ZBTB38: variants seen among roughly 807,000 people sequenced by gnomAD.
The protein encoded by ZBTB38 is zinc finger and BTB domain-containing protein 38.
ZBTB38 carries 20 observed loss-of-function variants against 76.8 expected under a neutral mutation model. The observed-to-expected ratio is 0.26, with a 90% CI of 0.18 to 0.38. The LOEUF (loss-of-function observed/expected upper bound fraction) is 0.38. Ranked by LOEUF, ZBTB38 falls within the 10% of genes least tolerant of loss-of-function variation. The pLI is 1.00. For synonymous variants in ZBTB38, 504 were observed against 544.2 expected (o/e 0.93, Z 1.03); for missense variants, 1,082 against 1,482.3 (o/e 0.73, Z 4.43).
chr3:141,342,667 C>T (rs988345934), intron 1 of ZBTB38, among the ~76,000 whole-genome samples: 1 of 149,074 alleles, frequency 6.7e-6, no homozygotes, highest in Non-Finnish European at 1.5e-5. Context: ...CACAAACCCT[C>T]GTGCAAGAAG....
chr3:141,422,426 T>G (rs2150206964), intron 5 of ZBTB38, among the ~76,000 whole-genome samples: 1 of 152,324 alleles, frequency 6.6e-6, no homozygotes, highest in Non-Finnish European at 1.5e-5. Context: ...AAGGCAAGGA[T>G]GGACCAGGAT....
At chr3:141,427,043 A>G (rs774969644) in intron 5 of ZBTB38, among the ~76,000 whole-genome samples, 1 of 151,622 alleles carries the variant, frequency 6.6e-6, no homozygotes, top group East Asian at 1.9e-4. Context: ...ACCCATTAGC[A>G]TAGGTGGGAA....
upstream of ZBTB38, chr3:141,366,516 A>G (rs1290383175): frequency 6.6e-6 from 1 of 152,260 alleles, no homozygotes; most frequent in Non-Finnish European, 1.5e-5. Context: ...GATTAAAAGC[A>G]TGTAGCTTTC....
At chr3:141,431,323 C>CAAAAAAAAAAAAAAAAAA (rs71976494) in intron 5 of ZBTB38, among the ~76,000 whole-genome samples, 11 of 101,400 alleles carry the variant, frequency 1.1e-4, no homozygotes, top group East Asian at 4.6e-4. Flanking sequence ...GACTTCGTCT[C>CAAAAAAAAAAAAAAAAAA]AAAAAAAAAA....
intron 1 of ZBTB38, among the ~76,000 whole-genome samples, chr3:141,333,329 G>A (rs1156527693): frequency 6.6e-6 from 1 of 152,076 alleles, no homozygotes; most frequent in African/African-American, 2.4e-5. Context: ...ACCAGCACGG[G>A]AGAGTCACTC....
intron 2 of ZBTB38, among the ~76,000 whole-genome samples, chr3:141,375,090 CAA>C (rs1418652338): frequency 6.6e-6 from 1 of 151,696 alleles, no homozygotes; most frequent in Non-Finnish European, 1.5e-5. Flanking sequence ...ATTTATTAGA[CAA>C]AAAAAATTAG....
chr3:141,433,706 AAGAC>A (rs1253710662), intron 5 of ZBTB38, among the ~76,000 whole-genome samples: 3 of 152,224 alleles, frequency 2.0e-5, no homozygotes, highest in African/African-American at 7.2e-5. Context: ...GCTTGATAGA[AAGAC>A]AGCTAGATTT....
At chr3:141,378,639 G>A (rs1356937965) in intron 2 of ZBTB38, among the ~76,000 whole-genome samples, 1 of 152,192 alleles carries the variant, frequency 6.6e-6, no homozygotes, top group Non-Finnish European at 1.5e-5. Flanking sequence ...TTATCCCCTG[G>A]CTTCCCCTTT....
intron 5 of ZBTB38, among the ~76,000 whole-genome samples, chr3:141,431,152 G>A (rs983939548): frequency 1.3e-5 from 2 of 151,386 alleles, no homozygotes; most frequent in Admixed American, 6.6e-5. Flanking sequence ...GTGAAACCCC[G>A]TCTCTACTAA....
chr3:141,412,910 G>C (rs1197023799), intron 5 of ZBTB38, among the ~76,000 whole-genome samples: 1 of 152,010 alleles, frequency 6.6e-6, no homozygotes, highest in Non-Finnish European at 1.5e-5. Context: ...TTGTACCTCA[G>C]ACCTACTGGT....
chr3:141,415,649 T>C (rs554349573), intron 5 of ZBTB38, among the ~76,000 whole-genome samples: 27 of 152,272 alleles, frequency 1.8e-4, no homozygotes, highest in South Asian at 1.5e-3. Flanking sequence ...CTATGTAAGA[T>C]TGTGGACTTG....
intron 1 of ZBTB38, among the ~76,000 whole-genome samples, chr3:141,340,129 C>A (rs566999370): frequency 6.6e-6 from 1 of 152,290 alleles, no homozygotes; most frequent in Non-Finnish European, 1.5e-5. Context: ...TGACCAAGTA[C>A]AAATTCCAAA....
At chr3:141,379,583 A>G (rs1283572013) in intron 2 of ZBTB38, among the ~76,000 whole-genome samples, 1 of 152,226 alleles carries the variant, frequency 6.6e-6, no homozygotes, top group Non-Finnish European at 1.5e-5. Context: ...ATCGTGTGCT[A>G]GAAAGGTGAC....
intron 5 of ZBTB38, among the ~76,000 whole-genome samples, chr3:141,426,609 T>G (rs2076445250): frequency 6.6e-6 from 1 of 152,120 alleles, no homozygotes; most frequent in South Asian, 2.1e-4. Flanking sequence ...GAAGGGAAGA[T>G]GTCACGTGGA....
At chr3:141,331,549 G>GTT (rs373176885) in intron 1 of ZBTB38, among the ~76,000 whole-genome samples, 1 of 148,020 alleles carries the variant, frequency 6.8e-6, no homozygotes. Flanking sequence ...TTTGTTTTTT[G>GTT]TTTTTTTTTT....
chr3:141,435,425 A>T (rs2078540447), intron 5 of ZBTB38, among the ~76,000 whole-genome samples: 2 of 152,216 alleles, frequency 1.3e-5, no homozygotes, highest in Non-Finnish European at 2.9e-5. Context: ...GTATTTGCAC[A>T]TACATGTGGC....
chr3:141,433,633 A>T (rs543656167), intron 5 of ZBTB38, among the ~76,000 whole-genome samples: 49 of 152,318 alleles, frequency 3.2e-4, no homozygotes, highest in Admixed American at 1.5e-3. Flanking sequence ...ACTATTTTTT[A>T]AAACAAAAAA....
intron 4 of ZBTB38, among the ~76,000 whole-genome samples, chr3:141,399,602 A>G (rs1951246476): frequency 6.6e-6 from 1 of 152,210 alleles, no homozygotes; most frequent in African/African-American, 2.4e-5. Flanking sequence ...GTTGAGGGAA[A>G]GAGGAAAAAA....
At chr3:141,414,526 C>G (rs1455042409) in intron 5 of ZBTB38, among the ~76,000 whole-genome samples, 1 of 152,250 alleles carries the variant, frequency 6.6e-6, no homozygotes, top group Admixed American at 6.5e-5. Context: ...TCAGTGGGGT[C>G]AGTAGCAGAG....
Sources: allele counts gnomAD v4.1 joint callset (sites outside exome capture counted in the v4.1 genomes callset), GRCh38; gene constraint gnomAD v4.1.1; transcripts MANE v1.5; gene names NCBI Gene and HGNC (gene_info 2026-07-23, HGNC 2026-07-21).